INPP5A: variants seen among roughly 807,000 people sequenced by gnomAD.
INPP5A encodes 43 kDa inositol polyphosphate 5-phophatase.
INPP5A carries 14 observed loss-of-function variants against 65.2 expected under a neutral mutation model. The observed-to-expected ratio is 0.21, with a 90% confidence interval of 0.14 to 0.34. The LOEUF is 0.34. INPP5A is among the 10% of genes least tolerant of loss of function. The pLI, the probability that INPP5A is intolerant of heterozygous loss-of-function variation, is 1.00. For missense variants in INPP5A, 431 were observed against 545.6 expected, an observed-to-expected ratio of 0.79 and a Z score of 2.09; for synonymous variants, 207 against 208.3, an observed-to-expected ratio of 0.99 and a Z score of 0.05.
intron 8 of INPP5A, among the ~76,000 whole-genome samples, chr10:132,718,408 T>A (rs536206712): frequency 6.6e-6 from 1 of 150,518 alleles, no homozygotes; most frequent in East Asian, 2.0e-4. Context: ...GACGACTGTC[T>A]TGCGGGTTCT....
chr10:132,657,982 C>T (rs1004853925), intron 4 of INPP5A, among the ~76,000 whole-genome samples: 8 of 152,344 alleles, frequency 5.3e-5, no homozygotes, highest in East Asian at 1.9e-4. Context: ...CCTGCAGTCC[C>T]GTGGGACGCG....
intron 6 of INPP5A, among the ~76,000 whole-genome samples, chr10:132,700,986 G>A (rs1845427580): frequency 1.3e-5 from 2 of 152,198 alleles, no homozygotes; most frequent in Admixed American, 1.3e-4. Context: ...TTTGCCCGTA[G>A]TGAGAAATTG....
At chr10:132,624,421 C>T (rs1051998839) in intron 2 of INPP5A, among the ~76,000 whole-genome samples, 2 of 152,210 alleles carry the variant, frequency 1.3e-5, no homozygotes, top group African/African-American at 4.8e-5. Context: ...CCCTCACCAG[C>T]ACACCTGCAC....
chr10:132,602,192 T>A (rs2071784737), intron 1 of INPP5A, among the ~76,000 whole-genome samples: 1 of 152,246 alleles, frequency 6.6e-6, no homozygotes, highest in Non-Finnish European at 1.5e-5. Flanking sequence ...TCTAAGTTTT[T>A]TATTCTTTTC....
At chr10:132,543,324 C>A (rs1204444606) in intron 1 of INPP5A, among the ~76,000 whole-genome samples, 1 of 152,102 alleles carries the variant, frequency 6.6e-6, no homozygotes, top group Non-Finnish European at 1.5e-5. Flanking sequence ...TGGGATCAGA[C>A]GGTCTGCCCT....
intron 1 of INPP5A, among the ~76,000 whole-genome samples, chr10:132,595,182 G>C (rs759810134): frequency 6.6e-6 from 1 of 152,248 alleles, no homozygotes; most frequent in Admixed American, 6.5e-5. Flanking sequence ...TGGAGTCCCC[G>C]CGGACCCTCA....
intron 1 of INPP5A, among the ~76,000 whole-genome samples, chr10:132,598,040 A>G (rs1277224125): frequency 1.3e-5 from 2 of 152,206 alleles, no homozygotes; most frequent in African/African-American, 4.8e-5. Context: ...TGTCTGTTTT[A>G]ATTTCAATTG....
Position 132,782,236 on chromosome 10 carries a change from A to G in INPP5A, c.*207A>G. The G allele has an allele frequency of 1.8e-6, 1 of 551,924 alleles. No homozygotes were observed. The highest frequency in any genetic ancestry group is 3.1e-6 in the Non-Finnish European group (1 of 327,506). 34.2% of individuals were successfully genotyped at this position (551,924 alleles called of 1,614,324 possible). On this transcript the variant is annotated 3_prime_UTR_variant, in exon 16 of 16. Coordinates refer to ENST00000368594, the MANE Select transcript of INPP5A (RefSeq NM_005539.5). The surrounding 1 kb of genome is among the most constrained non-coding windows in gnomAD (Gnocchi z 4.4). ...CTGTCTCGTCTGTCTATGTGACATT[A>G]AGTAGAAATATTGGTTTTTTTTTTT...
chr10:132,727,091 C>T lies in INPP5A; in HGVS notation c.732+186C>T, dbSNP rs965817699. ...TCGGCAGAGGGATCCGTGTTGGAAT[C>T]CGGGGTGCGCGGGCCCTCAAGGTTG... On this transcript the variant is annotated intron_variant, in intron 9 of 15. Coordinates refer to ENST00000368594, the MANE Select transcript of INPP5A (RefSeq NM_005539.5). The surrounding 1 kb of genome is among the most constrained non-coding windows in gnomAD (Gnocchi z 6.5). The T allele has an allele frequency of 3.3e-5, 15 of 455,036 alleles. No homozygotes were observed. In the Middle Eastern group the frequency reaches 1.8e-3, roughly 53 times the overall value. 28.2% of individuals were successfully genotyped at this position (455,036 alleles called of 1,614,324 possible). A position where few individuals can be genotyped will look rare whatever the true frequency, so the allele number is the denominator to read the frequency against.
At chr10:132,543,069 G>A (rs149042863) in intron 1 of INPP5A, among the ~76,000 whole-genome samples, 1,767 of 152,032 alleles carry the variant, frequency 0.012, 34 homozygotes, top group African/African-American at 0.04. Context: ...TCTGTCTCCC[G>A]GAGTGTTGGA....
At chr10:132,557,475 C>T (rs1240553870) in intron 1 of INPP5A, among the ~76,000 whole-genome samples, 1 of 152,234 alleles carries the variant, frequency 6.6e-6, no homozygotes, top group African/African-American at 2.4e-5. Context: ...AAGAGACCTG[C>T]GTAGAAATCA....
chr10:132,698,050 G>A lies in INPP5A; in HGVS notation c.474+131G>A. On this transcript the variant is annotated intron_variant, in intron 6 of 15. Coordinates refer to ENST00000368594, the MANE Select transcript of INPP5A (RefSeq NM_005539.5). The surrounding 1 kb of genome is among the most constrained non-coding windows in gnomAD (Gnocchi z 5.5). Reference sequence around the variant, plus strand: ...TGCCTGTTGTTACCTCCGATAATCTGTCTTCCTGGGAGTCCAGGCTTCTGT... The same window carrying A: ...TGCCTGTTGTTACCTCCGATAATCTATCTTCCTGGGAGTCCAGGCTTCTGT... 1.5e-6 allele frequency: 1 copy of A among 668,636 alleles called. No homozygotes were observed. The highest frequency in any genetic ancestry group is 2.7e-6 in the Non-Finnish European group (1 of 367,312). The allele number at this position is 668,636 out of a possible 1,614,324, so 41.4% of individuals were successfully genotyped here.
At chr10:132,574,753 G>T (rs2071394985) in intron 1 of INPP5A, among the ~76,000 whole-genome samples, 1 of 150,438 alleles carries the variant, frequency 6.6e-6, no homozygotes, top group Non-Finnish European at 1.5e-5. Context: ...TGCAGTCGTG[G>T]GATCTTGGCT....
At chr10:132,668,481 C>G (rs2133429735) in intron 4 of INPP5A, among the ~76,000 whole-genome samples, 1 of 152,304 alleles carries the variant, frequency 6.6e-6, no homozygotes, top group African/African-American at 2.4e-5. Flanking sequence ...CAAACTGTTT[C>G]ACTTTTCAGA....
chr10:132,679,797 G>T (rs1280696862), intron 4 of INPP5A, among the ~76,000 whole-genome samples: 1 of 152,214 alleles, frequency 6.6e-6, no homozygotes, highest in African/African-American at 2.4e-5. Context: ...ATGGAGCAGA[G>T]GGGACAGCCA....
At chr10:132,684,051 G>C (rs985390610) in intron 4 of INPP5A, among the ~76,000 whole-genome samples, 3 of 152,222 alleles carry the variant, frequency 2.0e-5, no homozygotes, top group African/African-American at 7.2e-5. Flanking sequence ...TTATTATGTA[G>C]CATTCAAAAT....
At chr10:132,683,285 G>A (rs752204226) in intron 4 of INPP5A, among the ~76,000 whole-genome samples, 3 of 146,308 alleles carry the variant, frequency 2.1e-5, no homozygotes, top group Admixed American at 6.9e-5. Flanking sequence ...TTTAATCCAC[G>A]TGCACACGTG....
At chr10:132,683,140 C>A (rs1472324595) in intron 4 of INPP5A, among the ~76,000 whole-genome samples, 1 of 151,374 alleles carries the variant, frequency 6.6e-6, no homozygotes, top group Non-Finnish European at 1.5e-5. Flanking sequence ...CGTGACCCAG[C>A]AAGGCCATGT....
At chr10:132,774,903 GGAGA>G (rs1190809633) in intron 12 of INPP5A, among the ~76,000 whole-genome samples, 12 of 39,174 alleles carry the variant, frequency 3.1e-4, no homozygotes, top group Admixed American at 5.8e-4. Context: ...GGGGCAGGGA[GGAGA>G]GAGGGGCACG....
Sources: gnomAD v4.1 joint callset for allele counts (sites outside exome capture counted in the v4.1 genomes callset) on GRCh38, gnomAD v4.1.1 for gene constraint, Gnocchi (gnomAD v3.1) non-coding constraint, MANE v1.5 for transcripts, NCBI Gene and HGNC (gene_info 2026-07-23, HGNC 2026-07-21) for gene names.